Variants in LRBA observed in about 807,000 individuals in gnomAD.
The protein encoded by LRBA is LPS responsive beige-like anchor protein, also known as lipopolysaccharide-responsive and beige-like anchor protein.
Under a neutral mutation model 330.0 loss-of-function variants are expected in LRBA, and 176 were observed. The ratio of observed to expected loss-of-function variants is 0.53; its 90% CI spans 0.47 to 0.60. The LOEUF is 0.60. Ranked by LOEUF, LRBA falls within the 20% of genes least tolerant of loss-of-function variation. The pLI, the probability that LRBA is intolerant of heterozygous loss-of-function variation, is 0.00. For missense variants in LRBA, 3,259 were observed against 3,444.8 expected, an observed-to-expected ratio of 0.95 and a Z score of 1.35; for synonymous variants, 1,230 against 1,193.0, an observed-to-expected ratio of 1.03 and a Z score of -0.64.
At chr4:150,884,199 A>C (rs1436503416) in intron 17 of LRBA, among the ~76,000 whole-genome samples, 1 of 152,218 alleles carries the variant, frequency 6.6e-6, no homozygotes, top group Admixed American at 6.5e-5. Flanking sequence ...GCAGTTCTCC[A>C]GCTAAAAGTG....
At chr4:150,862,830 T>C (rs1752130004) in intron 22 of LRBA, among the ~76,000 whole-genome samples, 1 of 151,794 alleles carries the variant, frequency 6.6e-6, no homozygotes, top group South Asian at 2.1e-4. Flanking sequence ...TACAAAAAAA[T>C]TAGCTGAGTG....
intron 2 of LRBA, among the ~76,000 whole-genome samples, chr4:150,961,849 T>G (rs1738184744): frequency 6.7e-6 from 1 of 149,608 alleles, no homozygotes; most frequent in Non-Finnish European, 1.5e-5. Flanking sequence ...ATAATAGCAA[T>G]TTTTAGAGCA....
intron 2 of LRBA, among the ~76,000 whole-genome samples, chr4:151,004,415 C>G (rs537501888): frequency 6.6e-6 from 1 of 152,326 alleles, no homozygotes; most frequent in Non-Finnish European, 1.5e-5. Flanking sequence ...GTAGCATATA[C>G]ATACAGCATG....
At chr4:150,835,894 A>C (rs1470201296) in intron 28 of LRBA, among the ~76,000 whole-genome samples, 2 of 152,180 alleles carry the variant, frequency 1.3e-5, no homozygotes, top group Non-Finnish European at 1.5e-5. Context: ...TTCAAAGGGA[A>C]TGCTTCCAGT....
At chr4:150,910,302 G>A (rs972910311) in intron 9 of LRBA, among the ~76,000 whole-genome samples, 1 of 151,994 alleles carries the variant, frequency 6.6e-6, no homozygotes, top group Non-Finnish European at 1.5e-5. Flanking sequence ...TTACTTTTAG[G>A]TCTTTAATCC....
intron 37 of LRBA, among the ~76,000 whole-genome samples, chr4:150,639,959 C>T (rs1372454002): frequency 3.4e-5 from 5 of 146,312 alleles, no homozygotes; most frequent in African/African-American, 1.3e-4. Flanking sequence ...CGGGTTCAAG[C>T]GATTCTTTTG....
chr4:150,820,012 T>C (rs750715964), intron 30 of LRBA, among the ~76,000 whole-genome samples: 2 of 152,040 alleles, frequency 1.3e-5, no homozygotes, highest in East Asian at 1.9e-4. Flanking sequence ...CCTTCGTATA[T>C]ATGCCTCCTC....
In LRBA at chr4:150,997,509, A is replaced by C. The variant is rs1422607847; in HGVS notation, c.216+16918T>G. Among the ~76,000 whole-genome samples the C allele has an allele frequency of 3.3e-5, 5 of 152,190 alleles. No individual in the cohort carries two copies. The East Asian group carries it at 9.6e-4, about 29-fold the overall frequency. On this transcript the variant is annotated intron_variant, in intron 2 of 56. Coordinates refer to ENST00000651943, the MANE Select transcript of LRBA (RefSeq NM_001364905.1). ...TACAAATGGGATTTCTATGCAGGTT[A>C]CTTGTATTCAATCTAAATGACTAAG...
intron 30 of LRBA, among the ~76,000 whole-genome samples, chr4:150,827,052 G>C (rs1746384958): frequency 1.3e-5 from 2 of 152,164 alleles, no homozygotes; most frequent in South Asian, 4.1e-4. Context: ...TTCAAGATAT[G>C]AATCTCAGAG....
intron 2 of LRBA, among the ~76,000 whole-genome samples, chr4:150,988,618 C>T (rs984442747): frequency 6.6e-6 from 1 of 151,896 alleles, no homozygotes; most frequent in Non-Finnish European, 1.5e-5. Context: ...CTCGCTCTGT[C>T]ACCAGGCTGG....
At chr4:150,653,941 C>T (rs1233000956) in intron 37 of LRBA, among the ~76,000 whole-genome samples, 1 of 152,000 alleles carries the variant, frequency 6.6e-6, no homozygotes, top group Non-Finnish European at 1.5e-5. Context: ...AATAGCAATA[C>T]TACTACTAAG....
chr4:150,876,568 T>C (rs1754049897), intron 17 of LRBA, among the ~76,000 whole-genome samples: 1 of 152,132 alleles, frequency 6.6e-6, no homozygotes, highest in Admixed American at 6.6e-5. Context: ...TCAGTATCCT[T>C]AAAAGAAAAT....
At chr4:150,950,166 T>C (rs1328589754) in intron 2 of LRBA, among the ~76,000 whole-genome samples, 2 of 152,164 alleles carry the variant, frequency 1.3e-5, no homozygotes, top group Non-Finnish European at 2.9e-5. Context: ...CTTTAATAGC[T>C]TGCTGGTTCA....
intron 34 of LRBA, among the ~76,000 whole-genome samples, chr4:150,785,219 G>A (rs1738872695): frequency 6.6e-6 from 1 of 152,088 alleles, no homozygotes; most frequent in Non-Finnish European, 1.5e-5. Context: ...GTTAGTTCGG[G>A]GCGGGGGCGT....
intron 48 of LRBA, among the ~76,000 whole-genome samples, chr4:150,334,315 TA>T (rs1269520506): frequency 1.3e-5 from 2 of 152,244 alleles, no homozygotes; most frequent in African/African-American, 4.8e-5. Context: ...CAGCAGAGGA[TA>T]TTTTCAATGA....
At chr4:150,830,289 C>T (rs1181832052) in intron 29 of LRBA, among the ~76,000 whole-genome samples, 2 of 152,160 alleles carry the variant, frequency 1.3e-5, no homozygotes, top group Non-Finnish European at 2.9e-5. Flanking sequence ...TCTTGCATTC[C>T]CAGAATCTCT....
Position 150,848,880 on chromosome 4 carries a change from G to A in LRBA, c.4277C>T (p.Thr1426Ile), listed in dbSNP as rs777828218. 1.7e-5 allele frequency: 28 copies of A among 1,612,434 alleles called. No homozygotes were observed. Among genetic ancestry groups the A allele is most frequent in the Non-Finnish European group, 2.3e-5 (27 of 1,179,230 alleles). ...VLIFASSLGF[T>I]EIEAEKSMSS... ...CATACTTTTTTCAGCTTCAATTTCA[G>A]TAAAGCCAAGAGAACTTGCAAATAT... is the stretch of plus-strand genomic sequence containing the variant. The change falls in exon 26 of 57, where the codon ACT becomes ATT. Residue 1426 changes from threonine to isoleucine, a missense_variant. Coordinates refer to ENST00000651943, the MANE Select transcript of LRBA (RefSeq NM_001364905.1).
At chr4:150,507,055 C>A (rs936121261) in intron 40 of LRBA, among the ~76,000 whole-genome samples, 1 of 151,558 alleles carries the variant, frequency 6.6e-6, no homozygotes, top group African/African-American at 2.4e-5. Flanking sequence ...GAACTACAAA[C>A]CACTGCTCAA....
At chr4:150,345,309 G>A (rs550330715) in intron 48 of LRBA, among the ~76,000 whole-genome samples, 1 of 152,204 alleles carries the variant, frequency 6.6e-6, no homozygotes, top group South Asian at 2.1e-4. Context: ...AAAGGTTGTT[G>A]AAAAAATGAA....
Sources: allele counts gnomAD v4.1 joint callset (sites outside exome capture counted in the v4.1 genomes callset), GRCh38; gene constraint gnomAD v4.1.1; transcripts MANE v1.5; gene names NCBI Gene and HGNC (gene_info 2026-07-23, HGNC 2026-07-21).